GRM4: variants seen among roughly 807,000 people sequenced by gnomAD.
GRM4 encodes the protein glutamate metabotropic receptor 4, also known as metabotropic glutamate receptor 4.
A neutral mutation model predicts 81.7 loss-of-function variants in GRM4; 28 were observed. The ratio of observed to expected loss-of-function variants is 0.34; its 90% confidence interval spans 0.25 to 0.47. The LOEUF (loss-of-function observed/expected upper bound fraction) is 0.47. GRM4 is among the 20% of genes least tolerant of loss of function. The pLI, the probability that GRM4 is intolerant of heterozygous loss-of-function variation, is 1.00. For synonymous variants in GRM4, 488 were observed against 528.8 expected, an observed-to-expected ratio of 0.92 and a Z score of 1.06; for missense variants, 948 against 1,290.0, an observed-to-expected ratio of 0.73 and a Z score of 4.06.
Position 34,040,903 on chromosome 6 carries a change from C to A in GRM4, c.1169-155G>T, listed in dbSNP as rs142793845. On this transcript the variant is annotated intron_variant, in intron 6 of 10. Transcript: ENST00000538487. ...TGACTCCCAGCCCAGTGCTCTATCA[C>A]CCAGGAGATGGCCCTGTGGAGGTGC... is the stretch of plus-strand genomic sequence containing the variant. 4.5e-4 allele frequency among the ~76,000 whole-genome samples: 69 copies of A among 152,322 alleles called. 2 individuals carry two copies. In the East Asian group the frequency reaches 0.013, roughly 28 times the overall value.
rs1004801451 is a variant in GRM4 at position 34,089,817 on chromosome 6, C to T, written c.736+2066G>A. On this transcript the variant is annotated intron_variant, in intron 3 of 10. Coordinates refer to ENST00000538487, the MANE Select transcript of GRM4 (RefSeq NM_000841.4). The surrounding 1 kb of genome is among the most constrained non-coding windows in gnomAD (Gnocchi z 4.3). The stretch of plus-strand genomic sequence containing the variant: ...CAATGCCCAGACCCCACCCCCATCC[C>T]ATGCCTCTCCTGTCCCTCCAGGCTG... 6.6e-6 allele frequency among the ~76,000 whole-genome samples: 1 copy of T among 152,158 alleles called. No individual in the cohort carries two copies. The highest frequency in any genetic ancestry group is 2.4e-5 in the African/African-American group (1 of 41,430).
chr6:34,027,563 C>T (rs939500442), intron 10 of GRM4, among the ~76,000 whole-genome samples: 2 of 152,220 alleles, frequency 1.3e-5, no homozygotes, highest in Non-Finnish European at 2.9e-5. Context: ...TGTCCCGGGT[C>T]CCCATAGCTC....
chr6:34,033,671 TTCTTTCTCTTTCTCTCTCTCTCTC>T (rs1270527705), intron 9 of GRM4, among the ~76,000 whole-genome samples: 4 of 149,888 alleles, frequency 2.7e-5, no homozygotes, highest in African/African-American at 7.3e-5. Context: ...TTCTCTCTCT[TTCTTTCTCTTTCTCTCTCTCTCTC>T]TCTTTCTCTT....
intron 2 of GRM4, among the ~76,000 whole-genome samples, chr6:34,118,854 C>A (rs774421253): frequency 1.3e-5 from 2 of 152,070 alleles, no homozygotes; most frequent in Admixed American, 6.5e-5. Flanking sequence ...GGGCCTGTCA[C>A]ACATCTTCAG....
rs1272470456 is a variant in GRM4, at chr6:34,022,503, CGAAG to C, written c.*314_*317del. The C allele has an allele frequency of 2.4e-6, 1 of 409,060 alleles. No homozygotes were observed. Among genetic ancestry groups the C allele is most frequent in the Non-Finnish European group, 4.5e-6 (1 of 223,626 alleles). The allele number at this position is 409,060 out of a possible 1,614,324, so 25.3% of individuals were successfully genotyped here. On this transcript the variant is annotated 3_prime_UTR_variant, in exon 11 of 11. Coordinates refer to ENST00000538487, the MANE Select transcript of GRM4 (RefSeq NM_000841.4). This position sits in a 1 kb window ranked among gnomAD's most constrained non-coding sequence, Gnocchi z 5.6. ...GGGTCGCCAACAGCACAGACAGAGA[CGAAG>C]GGAGGGAGAGATCTAGCACTGGGGC...
Position 34,036,006 on chromosome 6 carries a change from T to C in GRM4, c.2104A>G (p.Ile702Val). The C allele has an allele frequency of 1.9e-6, 3 of 1,613,958 alleles. No individual in the cohort carries two copies. The highest frequency in any genetic ancestry group is 2.5e-6 in the Non-Finnish European group (3 of 1,179,898). ...TGCAGCGAGATGAGGCTGAAGGTGA[T>C]GGCCAGCTGTGAGGCGGGGCTGATG... ...RFISPASQLA[I>V]TFSLISLQLL... Residue 702 changes from isoleucine (I) to valine (V), a missense_variant, in exon 9 of 11, where the codon ATC becomes GTC. By Grantham distance (29) the Ile-to-Val change is conservative. Coordinates refer to ENST00000538487, the MANE Select transcript of GRM4 (RefSeq NM_000841.4). The surrounding 1 kb of genome is among the most constrained non-coding windows in gnomAD (Gnocchi z 9.0).
Position 34,059,482 on chromosome 6 carries a change from GCCCCGGTC to G in GRM4, c.873-362_873-355del. On this transcript the variant is annotated intron_variant, in intron 4 of 10. Coordinates refer to ENST00000538487, the MANE Select transcript of GRM4 (RefSeq NM_000841.4). The surrounding 1 kb of genome is among the most constrained non-coding windows in gnomAD (Gnocchi z 5.7). ...CAGGCCCCACAACCACCTCTGCCCA[GCCCCGGTC>G]CCCTGAGACGCATGCCTTCCTGGCT... 1 of 322,880 alleles carries G rather than the reference GCCCCGGTC, an allele frequency of 3.1e-6. No individual in the cohort carries two copies. The highest frequency in any genetic ancestry group is 5.9e-6 in the Non-Finnish European group (1 of 169,664). The allele number at this position is 322,880 out of a possible 1,614,324, so 20.0% of individuals were successfully genotyped here. A position where few individuals can be genotyped will look rare whatever the true frequency, so the allele number is the denominator to read the frequency against.
At chr6:34,037,114 T>G (rs1212859207) in intron 8 of GRM4, among the ~76,000 whole-genome samples, 1 of 152,228 alleles carries the variant, frequency 6.6e-6, no homozygotes, top group African/African-American at 2.4e-5. Flanking sequence ...GTGGAAGATG[T>G]GCTGCCCTAC....
At chr6:34,142,548 C>A (rs1021512763) in intron 1 of GRM4, among the ~76,000 whole-genome samples, 8 of 152,310 alleles carry the variant, frequency 5.3e-5, no homozygotes, top group African/African-American at 1.9e-4. Flanking sequence ...CTGTCCCCCG[C>A]AGCAGGGTGG....
At chr6:34,083,838 C>T (rs1019958123) in intron 3 of GRM4, among the ~76,000 whole-genome samples, 20 of 152,166 alleles carry the variant, frequency 1.3e-4, no homozygotes, top group Non-Finnish European at 2.1e-4. Flanking sequence ...CTCAAACCCC[C>T]GCTCCCTGCT....
At chr6:34,141,606 C>T (rs971207658) in intron 1 of GRM4, among the ~76,000 whole-genome samples, 5 of 148,838 alleles carry the variant, frequency 3.4e-5, no homozygotes, top group Admixed American at 2.7e-4. Context: ...TTTTACTATC[C>T]TTGTGGTGCT....
rs961239592 is a variant in GRM4, at chr6:34,092,050, C to T, written c.569G>A (p.Ser190Asn). Residue 190 changes from serine (S) to asparagine (N), a missense_variant, in exon 3 of 11, where the codon AGC becomes AAC. Physicochemically the swap from Ser to Asn is conservative, Grantham distance 46. Coordinates refer to ENST00000538487, the MANE Select transcript of GRM4 (RefSeq NM_000841.4). This position sits in a 1 kb window ranked among gnomAD's most constrained non-coding sequence, Gnocchi z 6.8. ...CACGCGGGAGAAGAAGTCGTAGCGG[C>T]TGTTGTCACTCAGGTCTGGCGCTGT... ...ASTAPDLSDN[S>N]RYDFFSRVVP... is the part of the protein sequence containing the mutation. 6.2e-7 allele frequency: 1 copy of T among 1,613,868 alleles called. No homozygotes were observed. Among genetic ancestry groups the T allele is most frequent in the African/African-American group, 1.3e-5 (1 of 75,068 alleles).
Position 34,048,232 on chromosome 6 carries a change from A to G in GRM4, c.1169-7484T>C, listed in dbSNP as rs956619103. Among the ~76,000 whole-genome samples the G allele has an allele frequency of 6.6e-6, 1 of 151,980 alleles. No homozygotes were observed. The highest frequency in any genetic ancestry group is 1.5e-5 in the Non-Finnish European group (1 of 67,984). ...CTGGTGGGGCCAGCTGGAAACCCCCACTCAGCCCCTTGCTGGGCCTGGCAA... is the reference window on the plus strand; with the variant it reads ...CTGGTGGGGCCAGCTGGAAACCCCCGCTCAGCCCCTTGCTGGGCCTGGCAA... On this transcript the variant is annotated intron_variant, in intron 6 of 10. Coordinates refer to ENST00000538487, the MANE Select transcript of GRM4 (RefSeq NM_000841.4). This position sits in a 1 kb window ranked among gnomAD's most constrained non-coding sequence, Gnocchi z 4.0.
intron 3 of GRM4, among the ~76,000 whole-genome samples, chr6:34,079,841 G>GT (rs1265401133): frequency 2.6e-5 from 4 of 152,030 alleles, no homozygotes; most frequent in Admixed American, 6.5e-5. Context: ...CTTGGTCCAG[G>GT]CCATTGTCAC....
chr6:34,103,716 G>C, intron 2 of GRM4: 1 of 1,521,256 alleles, frequency 6.6e-7, no homozygotes, highest in Non-Finnish European at 8.8e-7. Flanking sequence ...CTTTTCCAAG[G>C]AGGGCTCAAA....
Position 34,056,656 on chromosome 6 carries a change from C to T in GRM4, c.1056G>A (p.Thr352=), listed in dbSNP as rs543041500. 6.2e-7 allele frequency: 1 copy of T among 1,613,778 alleles called. No individual in the cohort carries two copies. The highest frequency in any genetic ancestry group is 1.1e-5 in the South Asian group (1 of 91,060). The change falls in exon 6 of 11, where the codon ACG becomes ACA. Residue 352 remains threonine, a synonymous_variant. Coordinates refer to ENST00000538487, the MANE Select transcript of GRM4 (RefSeq NM_000841.4). ...AGATGTTGCGCCGGTTGTTGTCCAGCGTGCGGCTGGAGAAGTAGCGGTCGA... is the reference window on the plus strand; with the variant it reads ...AGATGTTGCGCCGGTTGTTGTCCAGTGTGCGGCTGGAGAAGTAGCGGTCGA... ...RGFDRYFSSR[T]LDNNRRNIWF...
chr6:34,153,339 G>A (rs1771084171), intron 1 of GRM4, among the ~76,000 whole-genome samples: 1 of 152,178 alleles, frequency 6.6e-6, no homozygotes, highest in Non-Finnish European at 1.5e-5. Flanking sequence ...CTCAGTCCCT[G>A]CCCCAGATTC....
At chr6:34,039,019 G>C (rs59536499) in intron 8 of GRM4, among the ~76,000 whole-genome samples, 5 of 152,164 alleles carry the variant, frequency 3.3e-5, no homozygotes, top group South Asian at 2.1e-4. Flanking sequence ...CCCGGCCCCC[G>C]TGCTCTGCCC....
chr6:34,118,421 G>C (rs1033832562), intron 2 of GRM4, among the ~76,000 whole-genome samples: 1 of 152,222 alleles, frequency 6.6e-6, no homozygotes, highest in Admixed American at 6.5e-5. Flanking sequence ...GCAGGGCACT[G>C]TGCTGGGGGG....
Sources: gnomAD v4.1 joint callset for allele counts (sites outside exome capture counted in the v4.1 genomes callset) on GRCh38, gnomAD v4.1.1 for gene constraint, Gnocchi (gnomAD v3.1) non-coding constraint, MANE v1.5 for transcripts, NCBI Gene and HGNC (gene_info 2026-07-23, HGNC 2026-07-21) for gene names.